Variants in MAGI3 observed in about 807,000 individuals in gnomAD.
MAGI3 encodes membrane associated guanylate kinase, WW and PDZ domain containing 3.
Under a neutral mutation model 121.8 loss-of-function variants are expected in MAGI3, and 43 were observed. That is an observed-to-expected ratio of 0.35 (90% CI 0.28 to 0.46). MAGI3 has a LOEUF of 0.46. Ranked by LOEUF, MAGI3 falls within the 20% of genes least tolerant of loss-of-function variation. The pLI is 1.00. For synonymous variants in MAGI3, 553 were observed against 639.3 expected, an observed-to-expected ratio of 0.86 and a Z score of 2.04; for missense variants, 1,547 against 1,797.3, an observed-to-expected ratio of 0.86 and a Z score of 2.52.
intron 1 of MAGI3, among the ~76,000 whole-genome samples, chr1:113,533,873 T>C (rs1658844507): frequency 6.6e-6 from 1 of 152,186 alleles, no homozygotes; most frequent in African/African-American, 2.4e-5. Context: ...TTTACCTTTT[T>C]CTTGGGACAC....
chr1:113,448,524 C>T (rs79981226), intron 1 of MAGI3, among the ~76,000 whole-genome samples: 2 of 152,190 alleles, frequency 1.3e-5, no homozygotes, highest in South Asian at 4.1e-4. Context: ...GGCAGTATTT[C>T]TGCATTCTTG....
intron 1 of MAGI3, among the ~76,000 whole-genome samples, chr1:113,397,193 T>C (rs1224165794): frequency 2.0e-5 from 3 of 152,178 alleles, no homozygotes; most frequent in South Asian, 2.1e-4. Flanking sequence ...AAGATATGTT[T>C]TACAAAAAAA....
At chr1:113,401,488 G>T (rs1352840114) in intron 1 of MAGI3, among the ~76,000 whole-genome samples, 1 of 151,984 alleles carries the variant, frequency 6.6e-6, no homozygotes, top group Non-Finnish European at 1.5e-5. Flanking sequence ...ATTTGTAAGA[G>T]AATATTTTCA....
chr1:113,590,502 C>T lies in MAGI3; in HGVS notation c.782C>T (p.Ser261Phe). Residue 261 changes from serine (S) to phenylalanine (F), a missense_variant, in exon 5 of 21, where the codon TCT becomes TTT. Physicochemically the swap from Ser to Phe is radical, Grantham distance 155. Coordinates refer to ENST00000307546, the MANE Select transcript of MAGI3 (RefSeq NM_001142782.2). ...SGNAENRERH[S>F]ESSDWMKTVP... is the part of the protein sequence containing the mutation. ...ATGGCAGAAAACAGAGAGAGGCATT[C>T]TGAGTCATCTGACTGGATGAAGACT... 1 of 1,613,664 alleles carries T rather than the reference C, an allele frequency of 6.2e-7. No individual in the cohort carries two copies. The highest frequency in any genetic ancestry group is 1.1e-5 in the South Asian group (1 of 91,060).
intron 9 of MAGI3, among the ~76,000 whole-genome samples, chr1:113,625,770 G>C (rs1239337229): frequency 6.6e-6 from 1 of 152,106 alleles, no homozygotes; most frequent in Non-Finnish European, 1.5e-5. Flanking sequence ...TCATTTTCCA[G>C]ATCTCAGAGG....
chr1:113,624,885 G>A (rs1473846638), intron 9 of MAGI3, among the ~76,000 whole-genome samples: 1 of 152,056 alleles, frequency 6.6e-6, no homozygotes, highest in African/African-American at 2.4e-5. Flanking sequence ...TTTGATTTTT[G>A]TATACAGCGA....
chr1:113,672,704 C>T lies in MAGI3; in HGVS notation c.3008C>T (p.Thr1003Ile), dbSNP rs757689271. Residue 1003 changes from threonine to isoleucine, a missense_variant, in exon 18 of 21, where the codon ACC becomes ATC. By Grantham distance (89) the Thr-to-Ile change is moderately conservative (BLOSUM62 -1). Coordinates refer to ENST00000307546, the MANE Select transcript of MAGI3 (RefSeq NM_001142782.2). ...CACAAGCACCTTGCACAGCCTGACA[C>T]CGCAGTAATTTCAGTTGTAGGCAGT... ...SDHKHLAQPD[T>I]AVISVVGSRH... The T allele has an allele frequency of 1.9e-5, 30 of 1,613,588 alleles. No homozygotes were observed. The highest frequency in any genetic ancestry group is 2.7e-5 in the African/African-American group (2 of 74,904).
chr1:113,435,115 C>T (rs150348459), intron 1 of MAGI3, among the ~76,000 whole-genome samples: 5 of 152,176 alleles, frequency 3.3e-5, no homozygotes, highest in South Asian at 4.1e-4. Context: ...TTTTGTCCCC[C>T]GTTAGCAGTA....
At chr1:113,395,268 C>G (rs1022478048) in intron 1 of MAGI3, among the ~76,000 whole-genome samples, 1 of 151,238 alleles carries the variant, frequency 6.6e-6, no homozygotes, top group Non-Finnish European at 1.5e-5. Flanking sequence ...ATCTAGAGAC[C>G]TAGAGATTAT....
At chr1:113,617,349 CTT>C (rs1650538582) in intron 7 of MAGI3, among the ~76,000 whole-genome samples, 1 of 152,192 alleles carries the variant, frequency 6.6e-6, no homozygotes, top group African/African-American at 2.4e-5. Context: ...ATTCTCCTCT[CTT>C]ATTTCCCACA....
chr1:113,563,428 A>G (rs749355731), intron 2 of MAGI3, among the ~76,000 whole-genome samples: 1 of 152,140 alleles, frequency 6.6e-6, no homozygotes, highest in South Asian at 2.1e-4. Context: ...GAAAGAAGAG[A>G]GTTCTTTTCC....
At chr1:113,521,050 T>G (rs1490762255) in intron 1 of MAGI3, among the ~76,000 whole-genome samples, 1 of 152,030 alleles carries the variant, frequency 6.6e-6, no homozygotes, top group Admixed American at 6.6e-5. Context: ...AACATTTTAG[T>G]AACTGCCTTT....
intron 16 of MAGI3, among the ~76,000 whole-genome samples, chr1:113,660,401 T>A (rs867261078): frequency 4.0e-4 from 61 of 152,112 alleles, no homozygotes; most frequent in Admixed American, 4.6e-4. Flanking sequence ...CTCAGCCTTT[T>A]AAATGTACTT....
chr1:113,660,186 T>C (rs1436290180), intron 16 of MAGI3, among the ~76,000 whole-genome samples: 1 of 152,180 alleles, frequency 6.6e-6, no homozygotes, highest in Non-Finnish European at 1.5e-5. Flanking sequence ...TGCATGGACA[T>C]GAATTGACTT....
At chr1:113,643,973 T>A (rs1652692834) in intron 11 of MAGI3, among the ~76,000 whole-genome samples, 199 bp downstream of exon 11, 1 of 152,218 alleles carries the variant, frequency 6.6e-6, no homozygotes, top group Admixed American at 6.5e-5. Flanking sequence ...CTCCACTGGT[T>A]AAGTATTGCA....
At chr1:113,400,200 A>G (rs898469733) in intron 1 of MAGI3, among the ~76,000 whole-genome samples, 5 of 152,124 alleles carry the variant, frequency 3.3e-5, no homozygotes, top group Admixed American at 2.6e-4. Flanking sequence ...GAGCAGGGGT[A>G]GACAGTTGAA....
At chr1:113,670,698 A>T (rs1647496474) in intron 16 of MAGI3, among the ~76,000 whole-genome samples, 1 of 152,232 alleles carries the variant, frequency 6.6e-6, no homozygotes, top group East Asian at 1.9e-4. Context: ...TGTGACTATT[A>T]TATGCCAGGC....
intron 1 of MAGI3, among the ~76,000 whole-genome samples, chr1:113,538,569 A>G (rs1328115022): frequency 6.6e-6 from 1 of 152,188 alleles, no homozygotes; most frequent in East Asian, 1.9e-4. Context: ...AATGTTCATA[A>G]TCCCATAAAA....
Position 113,642,189 on chromosome 1 carries a change from A to G in MAGI3, c.1639A>G (p.Thr547Ala), listed in dbSNP as rs756897442. 5 of 1,614,166 alleles carry G rather than the reference A, an allele frequency of 3.1e-6. No homozygotes were observed. Among genetic ancestry groups the G allele is most frequent in the Non-Finnish European group, 4.2e-6 (5 of 1,180,034 alleles). The change falls in exon 10 of 21, where the codon ACT (threonine) becomes GCT (alanine). Residue 547 changes from threonine to alanine, a missense_variant. Physicochemically the swap from Thr to Ala is moderately conservative, Grantham distance 58 (BLOSUM62 0). Coordinates refer to ENST00000307546, the MANE Select transcript of MAGI3 (RefSeq NM_001142782.2). ...GGAGCAGAATGGAAAATCGGGACAC[A>G]CTTTGACTGGTGATGGTCTCAATGG... ...VLEQNGKSGH[T>A]LTGDGLNGPS...
Sources: allele counts gnomAD v4.1 joint callset (sites outside exome capture counted in the v4.1 genomes callset), GRCh38; gene constraint gnomAD v4.1.1; transcripts MANE v1.5; gene names NCBI Gene and HGNC (gene_info 2026-07-23, HGNC 2026-07-21).